The following JADE1 variants were observed in gnomAD, a reference collection of about 807,000 sequenced individuals.
The protein encoded by JADE1 is protein Jade-1.
A neutral mutation model predicts 81.8 loss-of-function variants in JADE1; 14 were observed. The ratio of observed to expected loss-of-function variants is 0.17; its 90% CI spans 0.11 to 0.27. The LOEUF (loss-of-function observed/expected upper bound fraction) is 0.27. Ranked by LOEUF, JADE1 falls within the 10% of genes least tolerant of loss-of-function variation. The pLI is 1.00. For missense variants in JADE1, 690 were observed against 1,047.9 expected, an observed-to-expected ratio of 0.66 and a Z score of 4.71; for synonymous variants, 353 against 391.9, an observed-to-expected ratio of 0.90 and a Z score of 1.17.
intron 3 of JADE1, among the ~76,000 whole-genome samples, chr4:128,845,192 GTGT>G (rs2125854078): frequency 6.6e-6 from 1 of 152,336 alleles, no homozygotes; most frequent in Non-Finnish European, 1.5e-5. Context: ...CTGGGAGGCG[GTGT>G]TGTGCTCCAC....
Position 128,872,475 on chromosome 4 carries a change from A to G in JADE1, c.*213A>G. 1 of 554,698 alleles carries G rather than the reference A, an allele frequency of 1.8e-6. No individual in the cohort carries two copies. Among genetic ancestry groups the G allele is most frequent in the Non-Finnish European group, 3.2e-6 (1 of 312,966 alleles). 34.4% of individuals were successfully genotyped at this position (554,698 alleles called of 1,614,324 possible). ...ACTTGTTGAGGAAACAGAAGAGTAG[A>G]TTGTAACCATAAGACACTGCTAAGA... is the stretch of plus-strand genomic sequence containing the variant. On this transcript the variant is annotated 3_prime_UTR_variant, in exon 11 of 11. Transcript: ENST00000226319.
intron 8 of JADE1, among the ~76,000 whole-genome samples, chr4:128,860,471 A>G (rs899458822): frequency 3.3e-5 from 5 of 152,174 alleles, no homozygotes; most frequent in Non-Finnish European, 7.4e-5. Context: ...ATCCTTGGTG[A>G]TGTGATTCAG....
At position 128,842,947 on chromosome 4, in the gene JADE1, C is replaced by G; in HGVS notation, c.53-6C>G. On this transcript the variant is annotated splice_polypyrimidine_tract_variant and splice_region_variant and intron_variant, in intron 2 of 10. Coordinates refer to ENST00000226319, the MANE Select transcript of JADE1 (RefSeq NM_199320.4). ...ATGGTTCTTATTTGGATATTTGTTT[C>G]TTTAGGCCTGTCAACTACTTGGTCC... 6.2e-7 allele frequency: 1 copy of G among 1,612,880 alleles called. No homozygotes were observed. The highest frequency in any genetic ancestry group is 1.3e-5 in the African/African-American group (1 of 75,012).
At chr4:128,819,348 A>G (rs1727347206) in intron 1 of JADE1, among the ~76,000 whole-genome samples, 2 of 152,060 alleles carry the variant, frequency 1.3e-5, no homozygotes. Flanking sequence ...CGGCTCAGCA[A>G]CCTTCTGGTC....
chr4:128,865,314 C>T (rs1731702966), intron 9 of JADE1, among the ~76,000 whole-genome samples: 1 of 152,210 alleles, frequency 6.6e-6, no homozygotes, highest in Non-Finnish European at 1.5e-5. Context: ...GGCCCCACCT[C>T]CAAAGGGTGG....
At chr4:128,819,318 G>A (rs2125798147) in intron 1 of JADE1, among the ~76,000 whole-genome samples, 1 of 152,220 alleles carries the variant, frequency 6.6e-6, no homozygotes, top group Middle Eastern at 3.4e-3. Flanking sequence ...TGCTCAGGCA[G>A]TAGTGCAGTG....
At chr4:128,868,668 C>T (rs1477699128) in intron 10 of JADE1, among the ~76,000 whole-genome samples, 6 of 152,144 alleles carry the variant, frequency 3.9e-5, no homozygotes, top group East Asian at 3.8e-4. Flanking sequence ...TCTGAGATTC[C>T]GTTGATCTTA....
intron 9 of JADE1, chr4:128,862,731 G>T: frequency 1.0e-6 from 1 of 1,002,964 alleles, no homozygotes; most frequent in Non-Finnish European, 1.2e-6. Context: ...CTGCTCACTG[G>T]CCCCCACTTT....
At chr4:128,841,066 G>A (rs1729396348) in intron 2 of JADE1, among the ~76,000 whole-genome samples, 1 of 152,190 alleles carries the variant, frequency 6.6e-6, no homozygotes, top group African/African-American at 2.4e-5. Context: ...AGGTCTTAAG[G>A]GTGCTTTGAT....
chr4:128,815,317 GTCTCGA>G (rs1336824382), intron 1 of JADE1, among the ~76,000 whole-genome samples: 1 of 152,044 alleles, frequency 6.6e-6, no homozygotes, highest in Non-Finnish European at 1.5e-5. Flanking sequence ...AGCCAGGATG[GTCTCGA>G]TCTCCTGACC....
intron 1 of JADE1, among the ~76,000 whole-genome samples, chr4:128,812,762 G>A (rs1726587731): frequency 1.3e-5 from 2 of 152,270 alleles, no homozygotes; most frequent in Admixed American, 6.5e-5. Flanking sequence ...TTGCCTTCTA[G>A]TAACGAGAGG....
intron 1 of JADE1, among the ~76,000 whole-genome samples, chr4:128,826,074 A>C (rs1298448387): frequency 6.6e-6 from 1 of 152,248 alleles, no homozygotes; most frequent in African/African-American, 2.4e-5. Flanking sequence ...AAACTCCCAA[A>C]TGCCCACTAA....
chr4:128,815,591 T>TAC, intron 1 of JADE1, among the ~76,000 whole-genome samples: 1 of 152,330 alleles, frequency 6.6e-6, no homozygotes, highest in East Asian at 1.9e-4. Context: ...TATCAGATGT[T>TAC]TGTGTTTCAG....
chr4:128,813,032 A>G (rs1013504229), intron 1 of JADE1, among the ~76,000 whole-genome samples: 1 of 152,204 alleles, frequency 6.6e-6, no homozygotes, highest in African/African-American at 2.4e-5. Flanking sequence ...CTCTCTTGCT[A>G]CTTGTAGCTC....
At chr4:128,836,050 C>G (rs1728955738) in intron 2 of JADE1, among the ~76,000 whole-genome samples, 1 of 152,142 alleles carries the variant, frequency 6.6e-6, no homozygotes, top group South Asian at 2.1e-4. Context: ...CAGCCAGTCT[C>G]TGAAGTTACG....
rs945608764 is a variant in JADE1, at chr4:128,872,476, T to C, written c.*214T>C. The C allele has an allele frequency of 1.1e-5, 6 of 554,474 alleles. No individual in the cohort carries two copies. Among genetic ancestry groups the C allele is most frequent in the Admixed American group, 3.2e-5 (1 of 31,240 alleles). 34.3% of individuals were successfully genotyped at this position (554,474 alleles called of 1,614,324 possible). On this transcript the variant is annotated 3_prime_UTR_variant, in exon 11 of 11. Coordinates refer to ENST00000226319, the MANE Select transcript of JADE1 (RefSeq NM_199320.4). ...CTTGTTGAGGAAACAGAAGAGTAGA[T>C]TGTAACCATAAGACACTGCTAAGAC...
In JADE1 at chr4:128,873,777, T is replaced by C. The variant is rs550080818; in HGVS notation, c.*1515T>C. On this transcript the variant is annotated 3_prime_UTR_variant, in exon 11 of 11. Coordinates refer to ENST00000226319, the MANE Select transcript of JADE1 (RefSeq NM_199320.4). ...TGATTCATTTATACATCTGTTTCCA[T>C]ATGGCAGGGACATTATGATACTTAA... 2.0e-5 allele frequency: 3 copies of C among 152,544 alleles called. No individual in the cohort carries two copies. Among genetic ancestry groups the C allele is most frequent in the African/African-American group, 7.2e-5 (3 of 41,466 alleles). The allele number at this position is 152,544 out of a possible 1,614,324, so 9.4% of individuals were successfully genotyped here.
chr4:128,856,178 T>C lies in JADE1; in HGVS notation c.864+381T>C, dbSNP rs144015281. On this transcript the variant is annotated intron_variant, in intron 7 of 10. Transcript: ENST00000226319. ...GTCCTGGCTTTTAACTGGGATTTAGTGGGTGGGTGGAGAACCATGCATAAA... is the reference window on the plus strand; with the variant it reads ...GTCCTGGCTTTTAACTGGGATTTAGCGGGTGGGTGGAGAACCATGCATAAA... Among the ~76,000 whole-genome samples, 235 of 152,286 alleles carry C rather than the reference T, an allele frequency of 1.5e-3. 2 individuals carry two copies. Among genetic ancestry groups the C allele is most frequent in the East Asian group, 0.014 (70 of 5,180 alleles).
chr4:128,875,122 T>G lies in JADE1; in HGVS notation c.*2860T>G. 6.6e-6 allele frequency: 1 copy of G among 152,614 alleles called. No homozygotes were observed. The highest frequency in any genetic ancestry group is 1.9e-4 in the East Asian group (1 of 5,198). The allele number at this position is 152,614 out of a possible 1,614,324, so 9.5% of individuals were successfully genotyped here. ...ATTTCTACCCCCTTTTTGAAAGTAT[T>G]TATAAAACTAGTTGAGGACAGCTGT... On this transcript the variant is annotated 3_prime_UTR_variant, in exon 11 of 11. Transcript: ENST00000226319.
Sources: gnomAD v4.1 joint callset for allele counts (sites outside exome capture counted in the v4.1 genomes callset) on GRCh38, gnomAD v4.1.1 for gene constraint, MANE v1.5 for transcripts, NCBI Gene and HGNC (gene_info 2026-07-23, HGNC 2026-07-21) for gene names.